Variants in TFDP2 observed in about 807,000 individuals in gnomAD.
TFDP2 encodes the protein transcription factor Dp-2 (E2F dimerization partner 2).
In TFDP2, 17 loss-of-function variants were observed where a neutral mutation model predicts 59.3. The ratio of observed to expected loss-of-function variants is 0.29; its 90% CI spans 0.20 to 0.43. TFDP2 has a LOEUF of 0.43. Among genes scored for constraint, TFDP2 ranks in the 20% least tolerant of loss-of-function variants. TFDP2 has a pLI of 1.00. For synonymous variants in TFDP2, 180 were observed against 194.7 expected, an observed-to-expected ratio of 0.92 and a Z score of 0.63; for missense variants, 391 against 528.8, an observed-to-expected ratio of 0.74 and a Z score of 2.56.
chr3:142,099,127 A>G (rs915892115), intron 2 of TFDP2, among the ~76,000 whole-genome samples: 4 of 152,170 alleles, frequency 2.6e-5, no homozygotes, highest in Admixed American at 1.3e-4. Context: ...TCTCTTCCCT[A>G]TCTACAATCT....
intron 1 of TFDP2, among the ~76,000 whole-genome samples, chr3:142,140,110 T>C (rs1002440636): frequency 6.6e-6 from 1 of 152,214 alleles, no homozygotes; most frequent in African/African-American, 2.4e-5. Context: ...CTTTATTTCA[T>C]TAATTTGATC....
intron 3 of TFDP2, among the ~76,000 whole-genome samples, chr3:142,045,891 G>A (rs1947325011): frequency 6.6e-6 from 1 of 151,992 alleles, no homozygotes; most frequent in South Asian, 2.1e-4. Flanking sequence ...CCAAAGTGGT[G>A]GGATTACAGG....
At chr3:142,125,030 T>C (rs2062185095) in intron 1 of TFDP2, among the ~76,000 whole-genome samples, 1 of 151,588 alleles carries the variant, frequency 6.6e-6, no homozygotes, top group African/African-American at 2.4e-5. Flanking sequence ...ATTCCATCTT[T>C]ACCGAAAAAA....
intron 2 of TFDP2, among the ~76,000 whole-genome samples, chr3:142,096,010 G>A (rs918203843): frequency 1.3e-5 from 2 of 152,218 alleles, no homozygotes; most frequent in Non-Finnish European, 2.9e-5. Context: ...AGAGAGTTCA[G>A]TTACTGGGTT....
In TFDP2 at chr3:142,120,198, T is replaced by C. The variant is rs528479563; in HGVS notation, c.-92-18357A>G. The stretch of plus-strand genomic sequence containing the variant: ...CAACAGGGTGAAATCCTGTCTCTAC[T>C]AAAAATACAAAAAATTAGCTGGGCT... On this transcript the variant is annotated intron_variant, in intron 1 of 12. Transcript: ENST00000489671. Among the ~76,000 whole-genome samples, 14 of 151,060 alleles carry C rather than the reference T, an allele frequency of 9.3e-5. 1 individual carries two copies. Among genetic ancestry groups the C allele is most frequent in the Admixed American group, 5.9e-4 (9 of 15,144 alleles).
chr3:142,063,037 G>A (rs565139601), intron 3 of TFDP2, among the ~76,000 whole-genome samples: 5 of 152,178 alleles, frequency 3.3e-5, no homozygotes, highest in African/African-American at 1.2e-4. Flanking sequence ...ATGAGTGCTG[G>A]CTTATAAAAC....
At chr3:142,099,461 G>T (rs2061258721) in intron 2 of TFDP2, among the ~76,000 whole-genome samples, 1 of 152,124 alleles carries the variant, frequency 6.6e-6, no homozygotes, top group African/African-American at 2.4e-5. Flanking sequence ...CAGCACTTTG[G>T]GAGGCTGAGG....
Position 141,950,481 on chromosome 3 carries a change from G to C in TFDP2, c.*2032C>G, listed in dbSNP as rs1424666021. The C allele has an allele frequency of 3.3e-5, 5 of 152,498 alleles. No individual in the cohort carries two copies. The highest frequency in any genetic ancestry group is 2.0e-4 in the Admixed American group (3 of 15,268). 9.4% of individuals were successfully genotyped at this position (152,498 alleles called of 1,614,324 possible). The stretch of plus-strand genomic sequence containing the variant: ...ATGAGAGCAGCAGAGATGGAGAGTA[G>C]AGAAAAAAACAGGTTTCCCAAGAAC... On this transcript the variant is annotated 3_prime_UTR_variant, in exon 13 of 13. Coordinates refer to ENST00000489671, the MANE Select transcript of TFDP2 (RefSeq NM_001178139.2).
chr3:142,065,346 A>G (rs1424972457), intron 3 of TFDP2, among the ~76,000 whole-genome samples: 1 of 152,064 alleles, frequency 6.6e-6, no homozygotes, highest in East Asian at 1.9e-4. Flanking sequence ...TTTTGTAGAA[A>G]TGGGGTTTTG....
At chr3:141,992,983 C>G (rs1942927738) in intron 6 of TFDP2, among the ~76,000 whole-genome samples, 1 of 152,114 alleles carries the variant, frequency 6.6e-6, no homozygotes. Flanking sequence ...ATGAACTTTC[C>G]TTATGCCCAA....
chr3:142,038,383 C>CAAAAAAA (rs1184364752), intron 3 of TFDP2, among the ~76,000 whole-genome samples: 10 of 41,400 alleles, frequency 2.4e-4, no homozygotes, highest in African/African-American at 7.6e-4. Flanking sequence ...GACTCCATCT[C>CAAAAAAA]AAAAAAAAAA....
In TFDP2 at chr3:141,974,950, C is replaced by T. The variant is rs190910416; in HGVS notation, c.520-759G>A. On this transcript the variant is annotated intron_variant, in intron 7 of 12. Transcript: ENST00000489671. ...TTTTTTTGAGACAGTGTCTCGCTCT[C>T]TCGCCCACACTGGAGTGCAGTGGCG... Among the ~76,000 whole-genome samples, 4 of 126,830 alleles carry T rather than the reference C, an allele frequency of 3.2e-5. No homozygotes were observed. In the East Asian group the frequency reaches 9.9e-4, roughly 31 times the overall value. The allele number at this position is 126,830 out of a possible 152,430, so 83.2% of individuals were successfully genotyped here. A position where few individuals can be genotyped will look rare whatever the true frequency, so the allele number is the denominator to read the frequency against.
intron 3 of TFDP2, among the ~76,000 whole-genome samples, chr3:142,090,340 TTC>T (rs752359217): frequency 7.9e-5 from 12 of 152,274 alleles, no homozygotes; most frequent in Non-Finnish European, 1.3e-4. Context: ...TCTTAAATGA[TTC>T]TCTGTCTTCC....
At chr3:141,984,472 C>T (rs187048246) in intron 6 of TFDP2, among the ~76,000 whole-genome samples, 9 of 152,002 alleles carry the variant, frequency 5.9e-5, no homozygotes, top group Admixed American at 3.3e-4. Context: ...ACACGCCTGG[C>T]GACAGAGCGA....
chr3:142,084,789 A>G (rs1028136343), intron 3 of TFDP2, among the ~76,000 whole-genome samples: 2 of 152,168 alleles, frequency 1.3e-5, no homozygotes, highest in African/African-American at 4.8e-5. Flanking sequence ...GAACACGTGG[A>G]GACAGAAAAT....
In TFDP2 at chr3:142,088,181, T is replaced by C. The variant is rs557831407; in HGVS notation, c.82+4880A>G. ...TACTATTCAATAAATATTTGCTGAA[T>C]CAATGAAAGAATGTGGCCTACCTCT... On this transcript the variant is annotated intron_variant, in intron 3 of 12. Transcript: ENST00000489671. Among the ~76,000 whole-genome samples the C allele has an allele frequency of 5.9e-5, 9 of 152,336 alleles. No homozygotes were observed. In the South Asian group the frequency reaches 1.9e-3, roughly 32 times the overall value.
chr3:142,065,515 T>G (rs909971868), intron 3 of TFDP2, among the ~76,000 whole-genome samples: 3 of 151,624 alleles, frequency 2.0e-5, no homozygotes, highest in African/African-American at 7.3e-5. Flanking sequence ...TGTGGGTGTG[T>G]GTGTGTGTGT....
chr3:142,050,379 T>C (rs1947556968), intron 3 of TFDP2, among the ~76,000 whole-genome samples: 1 of 152,156 alleles, frequency 6.6e-6, no homozygotes. Flanking sequence ...TTTAGTTCCC[T>C]GTTTTCTCTT....
At chr3:141,978,412 A>G in intron 7 of TFDP2, 108 bp downstream of exon 7, 1 of 1,120,344 alleles carries the variant, frequency 8.9e-7, no homozygotes, top group Non-Finnish European at 1.2e-6. Context: ...CCCAAAATAA[A>G]GGATAAAACC....
Sources: allele counts gnomAD v4.1 joint callset (sites outside exome capture counted in the v4.1 genomes callset), GRCh38; gene constraint gnomAD v4.1.1; transcripts MANE v1.5; gene names NCBI Gene and HGNC (gene_info 2026-07-23, HGNC 2026-07-21).